Variants in DOCK2 observed in about 807,000 individuals in gnomAD.
The protein encoded by DOCK2 is dedicator of cytokinesis protein 2.
Under a neutral mutation model 248.9 loss-of-function variants are expected in DOCK2, and 87 were observed. That is an observed-to-expected ratio of 0.35 (90% CI 0.29 to 0.42). The LOEUF (loss-of-function observed/expected upper bound fraction) is 0.42, where lower values mean the gene tolerates loss of function less well. DOCK2 is among the 10% of genes least tolerant of loss of function. The probability of loss-of-function intolerance (pLI) is 1.00; values close to 1 mark genes in which losing one functional copy is unlikely to be tolerated. For synonymous variants in DOCK2, 805 were observed against 821.6 expected (o/e 0.98, Z 0.35); for missense variants, 1,747 against 2,300.2 (o/e 0.76, Z 4.92).
At chr5:169,945,650 G>A (rs1255881065) in intron 27 of DOCK2, among the ~76,000 whole-genome samples, 2 of 152,218 alleles carry the variant, frequency 1.3e-5, no homozygotes. Flanking sequence ...ATCTGCAGTG[G>A]CCTCTTCACA....
At chr5:169,647,823 T>G (rs1265005861) in intron 1 of DOCK2, among the ~76,000 whole-genome samples, 1 of 152,186 alleles carries the variant, frequency 6.6e-6, no homozygotes, top group Non-Finnish European at 1.5e-5. Flanking sequence ...TGCTGTGACT[T>G]GCAGTTTAGC....
At chr5:169,658,750 A>T (rs972978623) in intron 2 of DOCK2, among the ~76,000 whole-genome samples, 2 of 151,342 alleles carry the variant, frequency 1.3e-5, no homozygotes, top group African/African-American at 2.4e-5. Context: ...AACAAAAAAA[A>T]ATACAGTCTT....
intron 41 of DOCK2, among the ~76,000 whole-genome samples, chr5:170,053,387 T>C (rs1756990318): frequency 6.6e-6 from 1 of 152,256 alleles, no homozygotes; most frequent in African/African-American, 2.4e-5. Context: ...GAGCAGCCAC[T>C]GAAAACCCAA....
intron 46 of DOCK2, 180 bp from the exon 47 acceptor site, chr5:170,075,767 A>G (rs1757818478): frequency 3.8e-6 from 3 of 787,806 alleles, no homozygotes; most frequent in Non-Finnish European, 6.0e-6. Flanking sequence ...AGCAAACCTC[A>G]TGTTTGCAAC....
chr5:169,936,526 G>A (rs2113695144), intron 27 of DOCK2, among the ~76,000 whole-genome samples: 1 of 150,234 alleles, frequency 6.7e-6, no homozygotes, highest in South Asian at 2.1e-4. Flanking sequence ...ATTCTATCCT[G>A]TGTGTATTTC....
At chr5:169,846,887 C>T (rs933044495) in intron 27 of DOCK2, among the ~76,000 whole-genome samples, 2 of 151,954 alleles carry the variant, frequency 1.3e-5, no homozygotes, top group South Asian at 2.1e-4. Context: ...AGGTCCATTA[C>T]GTTACTCTGT....
At chr5:170,068,621 A>T (rs1757576434) in intron 45 of DOCK2, among the ~76,000 whole-genome samples, 1 of 152,204 alleles carries the variant, frequency 6.6e-6, no homozygotes, top group African/African-American at 2.4e-5. Context: ...AGCACACACT[A>T]AGGACATGAG....
intron 25 of DOCK2, among the ~76,000 whole-genome samples, chr5:169,792,503 C>T (rs897908508): frequency 5.3e-5 from 8 of 150,738 alleles, no homozygotes; most frequent in South Asian, 2.1e-4. Context: ...TAAAGATGAG[C>T]GTCTTGTTAT....
chr5:169,707,253 C>A (rs1328252287), intron 14 of DOCK2, among the ~76,000 whole-genome samples: 1 of 152,134 alleles, frequency 6.6e-6, no homozygotes, highest in Non-Finnish European at 1.5e-5. Flanking sequence ...CCTTTCTGAA[C>A]CTCTGAGGGT....
chr5:170,038,103 G>A (rs1756383390), intron 36 of DOCK2, among the ~76,000 whole-genome samples: 1 of 152,198 alleles, frequency 6.6e-6, no homozygotes. Context: ...GGGGTCTGAA[G>A]GACCTCGGTC....
intron 39 of DOCK2, 110 bp from the exon 40 acceptor site, chr5:170,047,400 A>G: frequency 3.6e-6 from 3 of 824,824 alleles, no homozygotes; most frequent in Non-Finnish European, 5.9e-6. Flanking sequence ...ATATGTGCAC[A>G]TGGCTCATTG....
At chr5:170,055,776 T>C (rs1757105541) in intron 42 of DOCK2, among the ~76,000 whole-genome samples, 1 of 152,200 alleles carries the variant, frequency 6.6e-6, no homozygotes, top group Non-Finnish European at 1.5e-5. Flanking sequence ...GCTGAGCACA[T>C]GCTCCCAGAG....
chr5:169,863,674 C>A (rs1391582546), intron 27 of DOCK2, among the ~76,000 whole-genome samples: 1 of 152,190 alleles, frequency 6.6e-6, no homozygotes, highest in Non-Finnish European at 1.5e-5. Flanking sequence ...GATGACAGAG[C>A]CTTAATTTGG....
chr5:169,656,104 T>C (rs1025857806), intron 2 of DOCK2, among the ~76,000 whole-genome samples: 18 of 152,198 alleles, frequency 1.2e-4, no homozygotes, highest in African/African-American at 4.3e-4. Flanking sequence ...AGCATAACCC[T>C]ATCTTTTACA....
intron 27 of DOCK2, among the ~76,000 whole-genome samples, chr5:169,939,851 A>G (rs1172786240): frequency 1.3e-5 from 2 of 152,250 alleles, no homozygotes; most frequent in African/African-American, 4.8e-5. Flanking sequence ...CAGGCACTGA[A>G]TAAGGTACTT....
chr5:169,751,446 C>T (rs1763889717), intron 23 of DOCK2, among the ~76,000 whole-genome samples: 1 of 152,190 alleles, frequency 6.6e-6, no homozygotes, highest in South Asian at 2.1e-4. Flanking sequence ...TTAGTAACAT[C>T]AGCCATAAGT....
intron 15 of DOCK2, among the ~76,000 whole-genome samples, chr5:169,709,575 G>A (rs1761463895): frequency 6.6e-6 from 1 of 151,922 alleles, no homozygotes; most frequent in African/African-American, 2.4e-5. Context: ...ACATAAATGA[G>A]TCGTGCATGG....
intron 23 of DOCK2, among the ~76,000 whole-genome samples, chr5:169,751,047 G>A (rs1470948711): frequency 6.6e-6 from 1 of 152,204 alleles, no homozygotes; most frequent in Admixed American, 6.5e-5. Context: ...AAGGCCAAAT[G>A]TGTAATTTAG....
At chr5:170,004,180 T>C (rs1754936769) in intron 30 of DOCK2, among the ~76,000 whole-genome samples, 2 of 152,168 alleles carry the variant, frequency 1.3e-5, no homozygotes, top group African/African-American at 4.8e-5. Context: ...CAAATGACCA[T>C]CAGTGGATGA....
Sources: gnomAD v4.1 joint callset for allele counts (sites outside exome capture counted in the v4.1 genomes callset) on GRCh38, gnomAD v4.1.1 for gene constraint, MANE v1.5 for transcripts, NCBI Gene and HGNC (gene_info 2026-07-23, HGNC 2026-07-21) for gene names.